DLG2: variants seen among roughly 807,000 people sequenced by gnomAD.
DLG2 encodes the protein discs large MAGUK scaffold protein 2, also known as disks large homolog 2.
DLG2 carries 45 observed loss-of-function variants against 132.5 expected under a neutral mutation model. The ratio of observed to expected loss-of-function variants is 0.34; its 90% CI spans 0.27 to 0.44. The LOEUF is 0.44. Among genes scored for constraint, DLG2 ranks in the 20% least tolerant of loss-of-function variants. The pLI is 1.00. For missense variants in DLG2, 1,045 were observed against 1,196.9 expected (o/e 0.87, Z 1.87); for synonymous variants, 424 against 419.6 (o/e 1.01, Z -0.13).
intron 3 of DLG2, among the ~76,000 whole-genome samples, chr11:85,348,400 T>C (rs1363643496): frequency 6.6e-6 from 1 of 151,644 alleles, no homozygotes. Flanking sequence ...TTTTTGTACT[T>C]TCTTAGTAGA....
intron 6 of DLG2, among the ~76,000 whole-genome samples, chr11:84,541,396 C>T (rs1298681684): frequency 6.6e-6 from 1 of 151,958 alleles, no homozygotes; most frequent in Non-Finnish European, 1.5e-5. Flanking sequence ...CTGCCCCCAA[C>T]CCCAGATTCC....
At chr11:83,899,473 C>A (rs547594194) in intron 15 of DLG2, among the ~76,000 whole-genome samples, 27 of 152,330 alleles carry the variant, frequency 1.8e-4, no homozygotes, top group African/African-American at 5.8e-4. Flanking sequence ...CACCTTGTGG[C>A]TCCCATAATT....
chr11:85,250,954 G>A (rs983960357), intron 4 of DLG2, among the ~76,000 whole-genome samples: 2 of 152,094 alleles, frequency 1.3e-5, no homozygotes, highest in African/African-American at 2.4e-5. Flanking sequence ...GGTGTCATTG[G>A]AGTGGTCAAA....
At chr11:83,884,353 T>A (rs1443262336) in intron 15 of DLG2, among the ~76,000 whole-genome samples, 1 of 152,026 alleles carries the variant, frequency 6.6e-6, no homozygotes. Flanking sequence ...AGCACAGCAG[T>A]CTGAGATTAA....
chr11:84,495,544 C>T (rs1276711523), intron 7 of DLG2, among the ~76,000 whole-genome samples: 1 of 152,134 alleles, frequency 6.6e-6, no homozygotes. Context: ...GTTACCTGAA[C>T]AGCCACTGCT....
At chr11:85,394,392 T>C (rs1440831062) in intron 3 of DLG2, among the ~76,000 whole-genome samples, 2 of 152,172 alleles carry the variant, frequency 1.3e-5, no homozygotes, top group Admixed American at 6.6e-5. Context: ...AGCATGGCAA[T>C]AGCCACTTTC....
chr11:84,125,371 C>T (rs571780707), intron 9 of DLG2, among the ~76,000 whole-genome samples: 7 of 152,076 alleles, frequency 4.6e-5, no homozygotes, highest in African/African-American at 1.2e-4. Flanking sequence ...CATGTACTTC[C>T]GATGGTGCTT....
rs113228738 is a variant in DLG2 at position 83,638,624 on chromosome 11, G to A, written c.1826-5299C>T. On this transcript the variant is annotated intron_variant, in intron 18 of 27. Transcript: ENST00000376104. ...GTCTGCTCCTAGAGCCCCCTGTTAC[G>A]GCCTCCCTCTACTTGTTATGAATTG... 3.4e-3 allele frequency among the ~76,000 whole-genome samples: 518 copies of A among 152,100 alleles called. 4 individuals carry two copies. Among genetic ancestry groups the A allele is most frequent in the African/African-American group, 0.011 (471 of 41,512 alleles).
chr11:85,003,318 T>C (rs1247504696), intron 6 of DLG2, among the ~76,000 whole-genome samples: 1 of 152,058 alleles, frequency 6.6e-6, no homozygotes, highest in Non-Finnish European at 1.5e-5. Flanking sequence ...TGACATCCCA[T>C]GCATTTCAAA....
intron 6 of DLG2, among the ~76,000 whole-genome samples, chr11:85,038,678 G>C (rs1368817625): frequency 1.3e-5 from 2 of 152,026 alleles, no homozygotes; most frequent in Non-Finnish European, 2.9e-5. Flanking sequence ...AATACATCAA[G>C]AGGGATGTCT....
intron 6 of DLG2, among the ~76,000 whole-genome samples, chr11:85,063,502 C>T (rs762966393): frequency 6.6e-6 from 1 of 151,748 alleles, no homozygotes; most frequent in Non-Finnish European, 1.5e-5. Context: ...AGAGTCTGTA[C>T]GTAACAAGGC....
chr11:85,112,117 T>C (rs2072863369), intron 5 of DLG2, among the ~76,000 whole-genome samples: 1 of 152,086 alleles, frequency 6.6e-6, no homozygotes, highest in African/African-American at 2.4e-5. Context: ...AGGTATAGAA[T>C]GGCTGTTTAT....
chr11:85,431,649 G>A (rs1318660363), intron 3 of DLG2, among the ~76,000 whole-genome samples: 1 of 152,200 alleles, frequency 6.6e-6, no homozygotes, highest in East Asian at 1.9e-4. Flanking sequence ...AGGGGCTCAG[G>A]GACCAAACTC....
intron 6 of DLG2, among the ~76,000 whole-genome samples, chr11:84,744,936 A>G (rs548714495): frequency 6.7e-6 from 1 of 149,378 alleles, no homozygotes; most frequent in African/African-American, 2.5e-5. Flanking sequence ...TGGACAAATC[A>G]CCTCCATAAA....
At chr11:84,992,849 T>C (rs1359479264) in intron 6 of DLG2, among the ~76,000 whole-genome samples, 4 of 152,134 alleles carry the variant, frequency 2.6e-5, no homozygotes, top group Admixed American at 1.3e-4. Context: ...TTGTCTGTCA[T>C]TGTGGAAGAC....
intron 22 of DLG2, chr11:83,480,539 G>T: frequency 6.6e-7 from 1 of 1,515,884 alleles, no homozygotes; most frequent in Non-Finnish European, 8.9e-7. Context: ...CGCAGAGGAG[G>T]CTGCATTAAG....
intron 4 of DLG2, among the ~76,000 whole-genome samples, chr11:85,207,489 A>C (rs930988387): frequency 2.0e-5 from 3 of 152,170 alleles, no homozygotes; most frequent in Non-Finnish European, 4.4e-5. Context: ...TGAGCTACCA[A>C]CTTCTGGACT....
chr11:84,003,232 C>T (rs796281560), intron 11 of DLG2, among the ~76,000 whole-genome samples: 6 of 152,278 alleles, frequency 3.9e-5, no homozygotes, highest in African/African-American at 1.4e-4. Flanking sequence ...TGGTCAAAGC[C>T]ATTCACCAAG....
intron 3 of DLG2, among the ~76,000 whole-genome samples, chr11:85,347,050 T>C (rs1245793166): frequency 1.3e-5 from 2 of 152,126 alleles, no homozygotes; most frequent in African/African-American, 4.8e-5. Context: ...CAAATCACCA[T>C]TGCTCACCTC....
Sources: gnomAD v4.1 joint callset for allele counts (sites outside exome capture counted in the v4.1 genomes callset) on GRCh38, gnomAD v4.1.1 for gene constraint, MANE v1.5 for transcripts, NCBI Gene and HGNC (gene_info 2026-07-23, HGNC 2026-07-21) for gene names.